Variants in GRXCR1 observed in about 807,000 individuals in gnomAD.
GRXCR1 encodes glutaredoxin and cysteine rich domain containing 1.
Under a neutral mutation model 27.3 loss-of-function variants are expected in GRXCR1, and 27 were observed. The ratio of observed to expected loss-of-function variants is 0.99; its 90% CI spans 0.73 to 1.37. The LOEUF (loss-of-function observed/expected upper bound fraction) is 1.37. GRXCR1 is among the 40% of genes most tolerant of loss of function. The pLI, the probability that GRXCR1 is intolerant of heterozygous loss-of-function variation, is 0.00. For synonymous variants in GRXCR1, 122 were observed against 131.1 expected (o/e 0.93, Z 0.47); for missense variants, 379 against 354.4 (o/e 1.07, Z -0.56).
chr4:43,024,783 T>C (rs1713202443), intron 3 of GRXCR1, among the ~76,000 whole-genome samples: 2 of 152,310 alleles, frequency 1.3e-5, no homozygotes, highest in African/African-American at 4.8e-5. Context: ...GAATTAAATT[T>C]TTGAATCTAG....
chr4:43,005,699 G>T (rs1325107060), intron 2 of GRXCR1, among the ~76,000 whole-genome samples: 1 of 152,170 alleles, frequency 6.6e-6, no homozygotes, highest in Non-Finnish European at 1.5e-5. Context: ...CTTGGAAAGT[G>T]AGACTCCAGA....
chr4:42,895,364 C>G (rs1331471779), intron 1 of GRXCR1, among the ~76,000 whole-genome samples: 1 of 152,116 alleles, frequency 6.6e-6, no homozygotes, highest in Non-Finnish European at 1.5e-5. Flanking sequence ...AGCAGAGGTC[C>G]TTCAAGGTCT....
At chr4:43,005,637 G>T (rs1387293087) in intron 2 of GRXCR1, among the ~76,000 whole-genome samples, 2 of 152,138 alleles carry the variant, frequency 1.3e-5, no homozygotes, top group Non-Finnish European at 2.9e-5. Flanking sequence ...ACAGAATTTT[G>T]CCTTGCTGTA....
At chr4:42,929,736 C>T (rs1035254756) in intron 1 of GRXCR1, among the ~76,000 whole-genome samples, 5 of 151,822 alleles carry the variant, frequency 3.3e-5, no homozygotes, top group African/African-American at 9.7e-5. Context: ...ACCCAAGCTG[C>T]CCCCATCCAA....
At chr4:42,944,090 A>G (rs1248583076) in intron 1 of GRXCR1, among the ~76,000 whole-genome samples, 2 of 152,110 alleles carry the variant, frequency 1.3e-5, no homozygotes, top group Non-Finnish European at 2.9e-5. Flanking sequence ...ACAGAGCAAT[A>G]CAGATAAGAG....
chr4:42,960,646 T>TC (rs1268560391), intron 1 of GRXCR1, among the ~76,000 whole-genome samples: 1 of 151,906 alleles, frequency 6.6e-6, no homozygotes, highest in African/African-American at 2.4e-5. Context: ...ACTTGTGTTT[T>TC]TTTTTCACAT....
intron 1 of GRXCR1, among the ~76,000 whole-genome samples, chr4:42,933,201 C>G (rs948014396): frequency 6.6e-6 from 1 of 151,920 alleles, no homozygotes; most frequent in Non-Finnish European, 1.5e-5. Flanking sequence ...AAAGAGACAC[C>G]TCCACCTCTT....
chr4:42,949,671 C>T (rs965007424), intron 1 of GRXCR1, among the ~76,000 whole-genome samples: 3 of 152,134 alleles, frequency 2.0e-5, no homozygotes, highest in Non-Finnish European at 4.4e-5. Context: ...TAGCTTTCTG[C>T]ACCAACCAAG....
intron 2 of GRXCR1, among the ~76,000 whole-genome samples, chr4:43,010,015 T>G (rs1712689481): frequency 6.6e-6 from 1 of 152,140 alleles, no homozygotes; most frequent in Admixed American, 6.6e-5. Flanking sequence ...GGAGTGACTC[T>G]TCTATATTGT....
At chr4:42,902,950 A>G (rs1439507235) in intron 1 of GRXCR1, among the ~76,000 whole-genome samples, 3 of 152,300 alleles carry the variant, frequency 2.0e-5, no homozygotes, top group East Asian at 1.9e-4. Flanking sequence ...CTTAATTCCT[A>G]TAGTCTGAGG....
intron 1 of GRXCR1, among the ~76,000 whole-genome samples, chr4:42,929,793 C>A (rs570360248): frequency 6.6e-6 from 1 of 151,886 alleles, no homozygotes; most frequent in Non-Finnish European, 1.5e-5. Flanking sequence ...CTTGATATAG[C>A]AATAATAATA....
intron 2 of GRXCR1, among the ~76,000 whole-genome samples, chr4:43,005,349 A>G (rs1227839517): frequency 6.6e-6 from 1 of 152,164 alleles, no homozygotes; most frequent in African/African-American, 2.4e-5. Context: ...ACTAATACAA[A>G]CGAGTTTAGT....
chr4:42,963,171 C>T (rs752815997), intron 2 of GRXCR1, 37 bp downstream of exon 2: 10 of 1,604,186 alleles, frequency 6.2e-6, no homozygotes, highest in African/African-American at 2.7e-5. Context: ...TTTCATAGAA[C>T]CCAACCAGGG....
At chr4:42,920,107 C>A (rs374387239) in intron 1 of GRXCR1, among the ~76,000 whole-genome samples, 12 of 152,078 alleles carry the variant, frequency 7.9e-5, no homozygotes, top group African/African-American at 2.7e-4. Context: ...ATTAGCAGAG[C>A]TTCTTTAGCA....
intron 2 of GRXCR1, among the ~76,000 whole-genome samples, chr4:42,987,165 C>T (rs889860322): frequency 4.1e-4 from 58 of 140,112 alleles, no homozygotes; most frequent in Non-Finnish European, 5.5e-4. Context: ...ATACTTTGAA[C>T]TGTGCTTTGA....
intron 2 of GRXCR1, among the ~76,000 whole-genome samples, chr4:42,970,665 A>G (rs558554085): frequency 6.6e-6 from 1 of 152,302 alleles, no homozygotes; most frequent in South Asian, 2.1e-4. Flanking sequence ...GGGATGGCCC[A>G]TGAAATTATT....
chr4:42,901,953 C>A (rs1003684064), intron 1 of GRXCR1, among the ~76,000 whole-genome samples: 3 of 152,162 alleles, frequency 2.0e-5, no homozygotes, highest in African/African-American at 4.8e-5. Flanking sequence ...CTCTTAGATA[C>A]CTTTCCTGTG....
At chr4:43,028,706 T>G (rs922216603) in intron 3 of GRXCR1, among the ~76,000 whole-genome samples, 2 of 152,242 alleles carry the variant, frequency 1.3e-5, no homozygotes, top group African/African-American at 4.8e-5. Flanking sequence ...TTGTTTTTAC[T>G]CAAAGTTTTT....
intron 2 of GRXCR1, among the ~76,000 whole-genome samples, chr4:42,980,607 T>C (rs1345366197): frequency 6.6e-6 from 1 of 152,066 alleles, no homozygotes; most frequent in Non-Finnish European, 1.5e-5. Context: ...AGAATGTGTA[T>C]TCTGCAGCTT....
Sources: gnomAD v4.1 joint callset for allele counts (sites outside exome capture counted in the v4.1 genomes callset) on GRCh38, gnomAD v4.1.1 for gene constraint, MANE v1.5 for transcripts, NCBI Gene and HGNC (gene_info 2026-07-23, HGNC 2026-07-21) for gene names.